The following ATP6V1A variants were observed in gnomAD, a reference collection of about 807,000 sequenced individuals.
The protein encoded by ATP6V1A is V-type proton ATPase catalytic subunit A.
A neutral mutation model predicts 70.1 loss-of-function variants in ATP6V1A; 18 were observed. The ratio of observed to expected loss-of-function variants is 0.26; its 90% CI spans 0.18 to 0.38. The LOEUF is 0.38. Ranked by LOEUF, ATP6V1A falls within the 10% of genes least tolerant of loss-of-function variation. The pLI is 1.00. For missense variants in ATP6V1A, 424 were observed against 772.4 expected, an observed-to-expected ratio of 0.55 and a Z score of 5.35; for synonymous variants, 232 against 253.8, an observed-to-expected ratio of 0.91 and a Z score of 0.82.
intron 8 of ATP6V1A, among the ~76,000 whole-genome samples, chr3:113,792,291 A>G (rs530130062): frequency 2.0e-5 from 3 of 151,804 alleles, no homozygotes; most frequent in African/African-American, 4.8e-5. Context: ...CCTTAAACAT[A>G]TATTTTTACA....
At chr3:113,789,222 T>C (rs1469604297) in intron 7 of ATP6V1A, among the ~76,000 whole-genome samples, 1 of 152,076 alleles carries the variant, frequency 6.6e-6, no homozygotes, top group Non-Finnish European at 1.5e-5. Context: ...TGATTTTGTA[T>C]TTTTAGTAGA....
intron 1 of ATP6V1A, among the ~76,000 whole-genome samples, chr3:113,759,578 TAATA>T: frequency 6.6e-6 from 1 of 151,930 alleles, no homozygotes. Flanking sequence ...AATTATAACT[TAATA>T]AATTGAATCT....
chr3:113,769,997 C>T (rs1057469727), intron 1 of ATP6V1A, among the ~76,000 whole-genome samples: 4 of 151,956 alleles, frequency 2.6e-5, no homozygotes, highest in African/African-American at 9.7e-5. Flanking sequence ...TACCACACTG[C>T]TTTCATCAAA....
Position 113,786,264 on chromosome 3 carries a change from A to G in ATP6V1A, c.597A>G (p.Val199=), listed in dbSNP as rs149267708. The change falls in exon 6 of 15, where the codon GTA becomes GTG. Residue 199 remains valine (V), a synonymous_variant. Coordinates refer to ENST00000273398, the MANE Select transcript of ATP6V1A (RefSeq NM_001690.4). ...TCTTGGAGCTTGAATTTGAAGGTGT[A>G]AAGGAGAAGTTCACCATGGTGCAAG... The part of the protein sequence containing the change: ...DVVLELEFEG[V]KEKFTMVQVW... 76 of 1,610,774 alleles carry G rather than the reference A, an allele frequency of 4.7e-5. No homozygotes were observed. The highest frequency in any genetic ancestry group is 6.3e-5 in the Non-Finnish European group (74 of 1,178,060).
At chr3:113,753,005 G>A (rs1270671188) in intron 1 of ATP6V1A, among the ~76,000 whole-genome samples, 1 of 152,106 alleles carries the variant, frequency 6.6e-6, no homozygotes, top group Admixed American at 6.5e-5. Context: ...AGACTGCATG[G>A]AAACGAAGGA....
At chr3:113,756,302 G>C (rs1199995076) in intron 1 of ATP6V1A, among the ~76,000 whole-genome samples, 2 of 152,152 alleles carry the variant, frequency 1.3e-5, no homozygotes, top group South Asian at 4.1e-4. Flanking sequence ...TTTTGCTTAA[G>C]AAACAGTGCT....
intron 1 of ATP6V1A, among the ~76,000 whole-genome samples, chr3:113,757,931 G>C (rs1321543309): frequency 6.6e-6 from 1 of 152,184 alleles, no homozygotes; most frequent in African/African-American, 2.4e-5. Context: ...GGATCACGAG[G>C]TCAAGAGATT....
intron 1 of ATP6V1A, among the ~76,000 whole-genome samples, chr3:113,757,736 C>G (rs938974488): frequency 6.6e-6 from 1 of 152,174 alleles, no homozygotes; most frequent in African/African-American, 2.4e-5. Flanking sequence ...TATATTTATT[C>G]TAAATAGACA....
intron 5 of ATP6V1A, 70 bp downstream of exon 5, chr3:113,784,903 C>A: frequency 6.9e-7 from 1 of 1,439,986 alleles, no homozygotes; most frequent in Non-Finnish European, 9.4e-7. Flanking sequence ...AGTTTTAGTG[C>A]CCTAAGTAAT....
intron 1 of ATP6V1A, among the ~76,000 whole-genome samples, chr3:113,753,497 G>T (rs1400020113): frequency 6.6e-6 from 1 of 152,132 alleles, no homozygotes; most frequent in African/African-American, 2.4e-5. Flanking sequence ...AGCTGCAACA[G>T]TGTTTCAATT....
intron 1 of ATP6V1A, among the ~76,000 whole-genome samples, chr3:113,772,417 A>G (rs1486801298): frequency 6.6e-6 from 1 of 152,208 alleles, no homozygotes; most frequent in East Asian, 1.9e-4. Flanking sequence ...AGCAGATTAA[A>G]ATGTAAATAT....
chr3:113,752,468 A>G (rs957712820), intron 1 of ATP6V1A, among the ~76,000 whole-genome samples: 5 of 151,934 alleles, frequency 3.3e-5, no homozygotes, highest in Non-Finnish European at 7.4e-5. Context: ...TACCTTCTGT[A>G]TATTTGAATT....
intron 12 of ATP6V1A, chr3:113,802,761 C>G (rs549984057): frequency 6.6e-6 from 1 of 152,536 alleles, no homozygotes; most frequent in African/African-American, 2.4e-5. Context: ...CTCCCAGGCT[C>G]AAGCAATCTT....
intron 14 of ATP6V1A, among the ~76,000 whole-genome samples, chr3:113,806,967 T>C (rs1709281745): frequency 1.3e-5 from 2 of 152,016 alleles, no homozygotes; most frequent in Admixed American, 1.3e-4. Flanking sequence ...ATATGTAATA[T>C]AAAAATTTTT....
At position 113,809,441 on chromosome 3, in the gene ATP6V1A, T is replaced by G. The variant is rs538283184; in HGVS notation, c.*14T>G. On this transcript the variant is annotated 3_prime_UTR_variant, in exon 15 of 15. Transcript: ENST00000273398. The stretch of plus-strand genomic sequence containing the variant: ...CTTGAAGATTAGAAGCCTTGAAGAT[T>G]ACAACTGTGATTTCCTTTTCCTCAG... The G allele has an allele frequency of 5.6e-6, 9 of 1,606,168 alleles. No individual in the cohort carries two copies. The highest frequency in any genetic ancestry group is 7.7e-6 in the Non-Finnish European group (9 of 1,174,342).
At chr3:113,748,704 A>G (rs1173900818) in intron 1 of ATP6V1A, among the ~76,000 whole-genome samples, 1 of 152,254 alleles carries the variant, frequency 6.6e-6, no homozygotes, top group African/African-American at 2.4e-5. Context: ...GATGCTCCTT[A>G]GTAGAAAACA....
Position 113,784,327 on chromosome 3 carries a change from T to G in ATP6V1A, c.315T>G (p.Pro105=). ...CCATTTTTGATGGTATTCAAAGACC[T>G]TTGTCGGATATCAGCAGTCAGACCC... ...MGAIFDGIQR[P]LSDISSQTQS... is the part of the protein sequence containing the mutation. The change falls in exon 4 of 15, where the codon CCT becomes CCG. Residue 105 remains proline (P), a synonymous_variant. Coordinates refer to ENST00000273398, the MANE Select transcript of ATP6V1A (RefSeq NM_001690.4). The G allele has an allele frequency of 6.2e-7, 1 of 1,614,048 alleles. No individual in the cohort carries two copies. Among genetic ancestry groups the G allele is most frequent in the Non-Finnish European group, 8.5e-7 (1 of 1,179,912 alleles).
intron 1 of ATP6V1A, among the ~76,000 whole-genome samples, chr3:113,754,922 G>A (rs562393499): frequency 1.3e-5 from 2 of 152,310 alleles, no homozygotes; most frequent in East Asian, 3.9e-4. Context: ...AATAGCAGAT[G>A]CTTTAGAGTT....
At chr3:113,761,422 T>C (rs1338419482) in intron 1 of ATP6V1A, among the ~76,000 whole-genome samples, 1 of 151,738 alleles carries the variant, frequency 6.6e-6, no homozygotes, top group African/African-American at 2.4e-5. Flanking sequence ...ACGAGAGTAA[T>C]ATGGTAATTG....
Sources: gnomAD v4.1 joint callset for allele counts (sites outside exome capture counted in the v4.1 genomes callset) on GRCh38, gnomAD v4.1.1 for gene constraint, MANE v1.5 for transcripts, NCBI Gene and HGNC (gene_info 2026-07-23, HGNC 2026-07-21) for gene names.